Variants in INTS9 observed in about 807,000 individuals in gnomAD.
INTS9 encodes integrator complex subunit 9.
Under a neutral mutation model 79.7 loss-of-function variants are expected in INTS9, and 55 were observed. The observed-to-expected ratio is 0.69, with a 90% CI of 0.56 to 0.86. The LOEUF (loss-of-function observed/expected upper bound fraction) is 0.86, where lower values mean the gene tolerates loss of function less well. Among genes scored for constraint, INTS9 ranks in the 40% least tolerant of loss-of-function variants. INTS9 has a pLI of 0.00. For synonymous variants in INTS9, 319 were observed against 325.2 expected (o/e 0.98, Z 0.20); for missense variants, 721 against 831.5 (o/e 0.87, Z 1.64).
In INTS9 at chr8:28,784,205, C is replaced by T. The variant is rs118040974; in HGVS notation, c.1099-3211G>A. Among the ~76,000 whole-genome samples the T allele has an allele frequency of 1.9e-4, 29 of 152,322 alleles. No homozygotes were observed. The East Asian group carries it at 3.9e-3, about 20-fold the overall frequency. ...GTGCACCTGAGGAACCCTCATGGTA[C>T]GACCACAGTCTACTCACATTCCTAA... On this transcript the variant is annotated intron_variant, in intron 11 of 16. Transcript: ENST00000521022.
chr8:28,888,770 T>C (rs866062035), intron 1 of INTS9, among the ~76,000 whole-genome samples: 1 of 152,220 alleles, frequency 6.6e-6, no homozygotes, highest in Non-Finnish European at 1.5e-5. Context: ...CCACTTTTAA[T>C]ACTTTCTCTG....
chr8:28,828,867 G>T (rs1183419651), intron 6 of INTS9, among the ~76,000 whole-genome samples: 1 of 152,118 alleles, frequency 6.6e-6, no homozygotes, highest in East Asian at 1.9e-4. Context: ...ATTTTTAGTA[G>T]AGACGGGGTT....
chr8:28,811,855 G>A (rs1196409932), intron 8 of INTS9, among the ~76,000 whole-genome samples: 1 of 152,056 alleles, frequency 6.6e-6, no homozygotes, highest in East Asian at 1.9e-4. Context: ...TATCTCAATC[G>A]GAAATGACCA....
chr8:28,878,494 T>C (rs74584967), intron 1 of INTS9, among the ~76,000 whole-genome samples: 1 of 151,350 alleles, frequency 6.6e-6, no homozygotes. Flanking sequence ...AAAAAAAAAT[T>C]GTTTTTTTGT....
rs541726411 is a variant in INTS9 at position 28,818,737 on chromosome 8, C to T, written c.489-5125G>A. ...GTTTCAGAAGGAATGGTACCAGTTC[C>T]GCCTTGTACCTCTGGTAGAATTCGG... is the stretch of plus-strand genomic sequence containing the variant. On this transcript the variant is annotated intron_variant, in intron 6 of 16. Transcript: ENST00000521022. 7.3e-3 allele frequency among the ~76,000 whole-genome samples: 1,113 copies of T among 151,996 alleles called. 7 individuals are homozygous for T. The highest frequency in any genetic ancestry group is 0.014 in the Middle Eastern group (4 of 294).
chr8:28,805,998 G>C (rs544242997), intron 8 of INTS9, among the ~76,000 whole-genome samples: 2 of 152,236 alleles, frequency 1.3e-5, no homozygotes, highest in South Asian at 4.2e-4. Context: ...GGAGGCCAAA[G>C]GTGGACCGAT....
chr8:28,780,443 CCA>C (rs939727311), intron 12 of INTS9: 10 of 985,084 alleles, frequency 1.0e-5, no homozygotes, highest in African/African-American at 1.7e-5. Context: ...AGAAGAAAAT[CCA>C]CAGTTAGAGT....
intron 16 of INTS9, among the ~76,000 whole-genome samples, chr8:28,768,541 C>A (rs1456800612): frequency 6.6e-6 from 1 of 152,216 alleles, no homozygotes; most frequent in Non-Finnish European, 1.5e-5. Context: ...TTTCCACAAC[C>A]TGGCTAAGCT....
chr8:28,796,848 A>G (rs1341773277), intron 8 of INTS9, 193 bp from the exon 9 acceptor site: 12 of 518,108 alleles, frequency 2.3e-5, no homozygotes, highest in Non-Finnish European at 4.2e-5. Context: ...GGGAGGAGGC[A>G]AGAGGGAGCT....
At chr8:28,796,437 C>T in intron 9 of INTS9, 107 bp downstream of exon 9, 1 of 650,086 alleles carries the variant, frequency 1.5e-6, no homozygotes, top group Non-Finnish European at 2.7e-6. Context: ...TTGACAACTG[C>T]TACCCTGTAA....
chr8:28,841,953 G>A (rs1018182694), intron 4 of INTS9, among the ~76,000 whole-genome samples: 1 of 152,102 alleles, frequency 6.6e-6, no homozygotes, highest in African/African-American at 2.4e-5. Context: ...GCCAGGCATG[G>A]TGTTGCACAC....
intron 6 of INTS9, among the ~76,000 whole-genome samples, chr8:28,834,802 G>A (rs1198328758): frequency 1.3e-5 from 2 of 151,458 alleles, no homozygotes; most frequent in African/African-American, 4.9e-5. Context: ...TCAGCCTCCC[G>A]AGTAGCTGTG....
At chr8:28,860,630 C>A (rs991665788) in intron 1 of INTS9, among the ~76,000 whole-genome samples, 1 of 152,188 alleles carries the variant, frequency 6.6e-6, no homozygotes, top group Non-Finnish European at 1.5e-5. Flanking sequence ...GTGTCTGCCA[C>A]CATGCCTGGC....
intron 10 of INTS9, among the ~76,000 whole-genome samples, chr8:28,788,207 T>G (rs957749572): frequency 2.6e-4 from 39 of 152,322 alleles, no homozygotes; most frequent in African/African-American, 7.7e-4. Flanking sequence ...AGAGTTAACA[T>G]CTGATATGAC....
chr8:28,846,371 A>G (rs13262523), intron 4 of INTS9, among the ~76,000 whole-genome samples: 4 of 20,934 alleles, frequency 1.9e-4, no homozygotes, highest in African/African-American at 7.0e-4. Flanking sequence ...ACAGTTTACT[A>G]GCAATTGTCA....
At chr8:28,779,326 C>T (rs149201090) in intron 12 of INTS9, among the ~76,000 whole-genome samples, 104 of 152,324 alleles carry the variant, frequency 6.8e-4, no homozygotes, top group African/African-American at 2.3e-3. Flanking sequence ...TGACCGGGGC[C>T]TCTCCTGGCA....
At position 28,835,354 on chromosome 8, in the gene INTS9, A is replaced by G. The variant is rs878924753; in HGVS notation, c.426T>C (p.Asn142=). The G allele has an allele frequency of 6.2e-7, 1 of 1,613,782 alleles. No individual in the cohort carries two copies. The highest frequency in any genetic ancestry group is 8.5e-7 in the Non-Finnish European group (1 of 1,179,786). ...GAGCCTTTGGCACTCTTTCAATGAA[A>G]TTCACCAGCTCTTCCATGAGAAGCC... The part of the protein sequence containing the change: ...IGRLLMEELV[N]FIERVPKAQS... The change falls in exon 6 of 17, where the codon AAT becomes AAC. Residue 142 remains asparagine, a synonymous_variant. Transcript: ENST00000521022.
chr8:28,830,052 G>GAA (rs11389846), intron 6 of INTS9, among the ~76,000 whole-genome samples: 29 of 137,780 alleles, frequency 2.1e-4, no homozygotes, highest in Middle Eastern at 3.9e-3. Context: ...CAAGAATGAA[G>GAA]AAAAAAAAAA....
chr8:28,786,430 A>G (rs552123114), intron 11 of INTS9, among the ~76,000 whole-genome samples: 3 of 152,260 alleles, frequency 2.0e-5, no homozygotes, highest in African/African-American at 7.2e-5. Flanking sequence ...AGCTAGAACT[A>G]CAGGCATGTG....
Sources: allele counts gnomAD v4.1 joint callset (sites outside exome capture counted in the v4.1 genomes callset), GRCh38; gene constraint gnomAD v4.1.1; transcripts MANE v1.5; gene names NCBI Gene and HGNC (gene_info 2026-07-23, HGNC 2026-07-21).